TENM3: variants seen among roughly 807,000 people sequenced by gnomAD.
TENM3 encodes the protein teneurin transmembrane protein 3, also known as teneurin-3.
TENM3 carries 63 observed loss-of-function variants against 255.1 expected under a neutral mutation model. The ratio of observed to expected loss-of-function variants is 0.25; its 90% CI spans 0.20 to 0.30. The LOEUF is 0.30. TENM3 is among the 10% of genes least tolerant of loss of function. TENM3 has a pLI of 1.00. For missense variants in TENM3, 2,929 were observed against 3,461.1 expected (o/e 0.85, Z 3.86); for synonymous variants, 1,306 against 1,322.3 (o/e 0.99, Z 0.27).
chr4:182,613,025 A>G (rs184394332), intron 4 of TENM3, among the ~76,000 whole-genome samples: 1 of 152,288 alleles, frequency 6.6e-6, no homozygotes, highest in African/African-American at 2.4e-5. Flanking sequence ...CACCCCTGAA[A>G]TTCTTCTCTT....
chr4:182,589,645 C>G (rs1258721936), intron 3 of TENM3, among the ~76,000 whole-genome samples: 1 of 152,006 alleles, frequency 6.6e-6, no homozygotes, highest in African/African-American at 2.4e-5. Context: ...TCTTAGAAAT[C>G]CTTTGTGACT....
chr4:181,635,910 C>G, the TENM3 span, among the ~76,000 whole-genome samples: 17 of 152,032 alleles, frequency 1.1e-4, no homozygotes. Context: ...CTTGTGGCAA[C>G]TGGGGGGAAA....
intron 4 of TENM3, among the ~76,000 whole-genome samples, chr4:182,614,146 T>C (rs1749261786): frequency 6.6e-6 from 1 of 152,214 alleles, no homozygotes; most frequent in Admixed American, 6.5e-5. Context: ...CTTATTTTCT[T>C]ATTTAAAGTG....
At chr4:182,015,927 C>A in the TENM3 span, among the ~76,000 whole-genome samples, 2 of 152,300 alleles carry the variant, frequency 1.3e-5, no homozygotes, top group Admixed American at 1.3e-4. Flanking sequence ...AACTTAAAAA[C>A]ACAGGGATTG....
At chr4:182,428,664 G>A (rs1237273660) in intron 3 of TENM3, among the ~76,000 whole-genome samples, 1 of 151,924 alleles carries the variant, frequency 6.6e-6, no homozygotes, top group African/African-American at 2.4e-5. Flanking sequence ...TGCTTGACTT[G>A]TGCAGCCCCT....
intron 1 of TENM3, among the ~76,000 whole-genome samples, chr4:182,321,763 G>A (rs749092813): frequency 1.7e-4 from 26 of 152,048 alleles, no homozygotes; most frequent in Non-Finnish European, 1.9e-4. Context: ...GGCTAACATG[G>A]TGAAACCCCA....
chr4:181,953,977 G>A, the TENM3 span, among the ~76,000 whole-genome samples: 1 of 152,136 alleles, frequency 6.6e-6, no homozygotes, highest in Non-Finnish European at 1.5e-5. Flanking sequence ...ACAGTCTTCT[G>A]TCACTAAGGA....
At chr4:182,339,320 G>A (rs187272151) in intron 2 of TENM3, among the ~76,000 whole-genome samples, 2 of 152,338 alleles carry the variant, frequency 1.3e-5, no homozygotes, top group African/African-American at 4.8e-5. Context: ...AAAGGATTTA[G>A]ATGGTCATGT....
chr4:182,391,750 T>C (rs908440243), intron 3 of TENM3, among the ~76,000 whole-genome samples: 1 of 152,202 alleles, frequency 6.6e-6, no homozygotes. Flanking sequence ...GAAGAAACAA[T>C]TGGCACTGGC....
intron 5 of TENM3, among the ~76,000 whole-genome samples, chr4:182,650,352 A>C (rs564648215): frequency 1.3e-5 from 2 of 150,436 alleles, no homozygotes; most frequent in South Asian, 4.4e-4. Flanking sequence ...GACATGCCTA[A>C]ACCAAGGATC....
At chr4:182,180,929 A>G (rs898149452) in intron 1 of TENM3, among the ~76,000 whole-genome samples, 4 of 152,046 alleles carry the variant, frequency 2.6e-5, no homozygotes, top group African/African-American at 7.2e-5. Context: ...ATTTTATTAC[A>G]TAAATATATA....
intron 3 of TENM3, among the ~76,000 whole-genome samples, chr4:182,484,584 T>C (rs756835054): frequency 4.6e-5 from 7 of 152,166 alleles, no homozygotes; most frequent in Non-Finnish European, 7.4e-5. Context: ...TGCCTACCTA[T>C]GAGAATTGTT....
the TENM3 span, among the ~76,000 whole-genome samples, chr4:181,633,216 A>G: frequency 6.6e-6 from 1 of 152,188 alleles, no homozygotes; most frequent in African/African-American, 2.4e-5. Flanking sequence ...CCTCACAGGA[A>G]ATGCTGTTGA....
At chr4:181,732,230 T>C in the TENM3 span, among the ~76,000 whole-genome samples, 1 of 152,066 alleles carries the variant, frequency 6.6e-6, no homozygotes, top group Non-Finnish European at 1.5e-5. Flanking sequence ...GATAGATGCA[T>C]GGTAGAAAAG....
At chr4:182,217,403 G>A (rs1755559231) in intron 1 of TENM3, among the ~76,000 whole-genome samples, 2 of 152,074 alleles carry the variant, frequency 1.3e-5, no homozygotes, top group Admixed American at 1.3e-4. Context: ...ATAATAAAGT[G>A]CCTGATGTTT....
chr4:182,777,509 TTATGTGTG>T (rs1764769454), intron 24 of TENM3, among the ~76,000 whole-genome samples: 1 of 120,112 alleles, frequency 8.3e-6, no homozygotes, highest in African/African-American at 3.2e-5. Context: ...CATAATGTGT[TTATGTGTG>T]TGTGTGTGTG....
chr4:182,786,548 C>A (rs1281265818), intron 24 of TENM3, among the ~76,000 whole-genome samples: 2 of 128,472 alleles, frequency 1.6e-5, no homozygotes, highest in Non-Finnish European at 3.1e-5. Flanking sequence ...CAGAGTGAGA[C>A]CCCGTCTTAA....
intron 4 of TENM3, among the ~76,000 whole-genome samples, chr4:182,622,897 G>A (rs1023601674): frequency 1.4e-4 from 22 of 152,172 alleles, no homozygotes; most frequent in Admixed American, 1.2e-3. Context: ...ACAAACCATA[G>A]ATGATTTGTG....
At chr4:181,748,052 A>G in the TENM3 span, among the ~76,000 whole-genome samples, 1 of 152,012 alleles carries the variant, frequency 6.6e-6, no homozygotes, top group Admixed American at 6.6e-5. Flanking sequence ...AGAGGACAGG[A>G]GTAAGTGCTC....
Sources: allele counts gnomAD v4.1 joint callset (sites outside exome capture counted in the v4.1 genomes callset), GRCh38; gene constraint gnomAD v4.1.1; transcripts MANE v1.5; gene names NCBI Gene and HGNC (gene_info 2026-07-23, HGNC 2026-07-21).